CCNQ: variants seen among roughly 807,000 people sequenced by gnomAD.
CCNQ encodes the protein cyclin-Q.
In CCNQ, 3 loss-of-function variants were observed where a neutral mutation model predicts 17.7. The observed-to-expected ratio is 0.17, with a 90% confidence interval of 0.08 to 0.44. The LOEUF is 0.44. Among genes scored for constraint, CCNQ ranks in the 20% least tolerant of loss-of-function variants. The pLI, the probability that CCNQ is intolerant of heterozygous loss-of-function variation, is 0.99. For missense variants in CCNQ, 146 were observed against 222.6 expected (o/e 0.66, Z 2.19); for synonymous variants, 73 against 96.0 (o/e 0.76, Z 1.40).
chrX:153,588,769 C>G (rs1485342191), intron 4 of CCNQ, among the ~76,000 whole-genome samples: 1 of 112,755 alleles, frequency 8.9e-6, no homozygotes, highest in Non-Finnish European at 1.9e-5. Context: ...GCCTCCTGCC[C>G]GGGACTCCCT....
At chrX:153,595,173 A>T (rs2091018933) in intron 2 of CCNQ, among the ~76,000 whole-genome samples, 1 of 113,464 alleles carries the variant, frequency 8.8e-6, no homozygotes, top group Non-Finnish European at 1.9e-5. Flanking sequence ...GCTGGAGTAC[A>T]GTGGTGCAGC....
chrX:153,588,789 G>C (rs1208166562), intron 4 of CCNQ, among the ~76,000 whole-genome samples: 4 of 112,804 alleles, frequency 3.5e-5, no homozygotes, highest in Non-Finnish European at 5.6e-5. Context: ...TCAGGTCCAG[G>C]GTCTCTGCGG....
chrX:153,596,264 T>C, intron 1 of CCNQ, 77 bp from the exon 2 acceptor site: 3 of 1,073,343 alleles, frequency 2.8e-6, no homozygotes, highest in Non-Finnish European at 2.6e-6. Flanking sequence ...GCCATTGGAA[T>C]GGGCCCTAGC....
intron 4 of CCNQ, among the ~76,000 whole-genome samples, chrX:153,591,436 G>A (rs1224858292): frequency 1.8e-5 from 2 of 112,096 alleles, no homozygotes; most frequent in Non-Finnish European, 3.8e-5. Flanking sequence ...ACCTGGGCTC[G>A]CACTCCTCTG....
At chrX:153,590,231 TAAA>T (rs59053078) in intron 4 of CCNQ, among the ~76,000 whole-genome samples, 343 of 26,433 alleles carry the variant, frequency 0.013, 4 homozygotes, top group East Asian at 0.11. Context: ...CTGTCTCTAT[TAAA>T]AAAAAAAAAA....
At chrX:153,596,271 T>G (rs1603162757) in intron 1 of CCNQ, 84 bp from the exon 2 acceptor site, 4 of 1,009,724 alleles carry the variant, frequency 4.0e-6, no homozygotes, top group Non-Finnish European at 5.6e-6. Flanking sequence ...GAATGGGCCC[T>G]AGCAGGTACA....
intron 4 of CCNQ, among the ~76,000 whole-genome samples, chrX:153,589,994 G>A (rs1182377150): frequency 4.5e-5 from 5 of 110,425 alleles, no homozygotes; most frequent in Non-Finnish European, 9.5e-5. Flanking sequence ...TTGGGAGGCC[G>A]AGGCGGGTGG....
rs1557024903 is a variant in CCNQ, at chrX:153,588,171, C to T, written c.*194G>A. The T allele has an allele frequency of 3.8e-6, 2 of 531,176 alleles. No individual in the cohort carries two copies. Among genetic ancestry groups the T allele is most frequent in the Non-Finnish European group, 3.4e-6 (1 of 290,139 alleles). 43.8% of individuals were successfully genotyped at this position (531,176 alleles called of 1,213,427 possible). A position where few individuals can be genotyped will look rare whatever the true frequency, so the allele number is the denominator to read the frequency against. The stretch of plus-strand genomic sequence containing the variant: ...CTGCCCGCTGGAGGCGCGGCTCCCA[C>T]CATCACCTGCACCGCGACTTCTAGG... On this transcript the variant is annotated 3_prime_UTR_variant, in exon 5 of 5. Transcript: ENST00000576892.
chrX:153,591,972 C>T (rs1557025894), intron 4 of CCNQ, among the ~76,000 whole-genome samples: 1 of 110,482 alleles, frequency 9.1e-6, no homozygotes, highest in African/African-American at 3.3e-5. Context: ...CAGCACCAGC[C>T]ACCTGGAAAG....
Position 153,595,906 on chromosome X carries a change from C to G in CCNQ, c.296+98G>C. On this transcript the variant is annotated intron_variant, in intron 2 of 4. Transcript: ENST00000576892. The stretch of plus-strand genomic sequence containing the variant: ...GGCCATCCAGGTACTTCCTTCCAAG[C>G]TCCATTGCTGGCACCTGGTGGGCAG... 3 of 1,013,161 alleles carry G rather than the reference C, an allele frequency of 3.0e-6. No homozygotes were observed. In the South Asian group the frequency reaches 5.7e-5, roughly 19 times the overall value. 83.5% of individuals were successfully genotyped at this position (1,013,161 alleles called of 1,213,427 possible).
At position 153,590,231 on chromosome X, in the gene CCNQ, T is replaced by TAAAAAAAAA. The variant is rs59053078; in HGVS notation, c.658-1786_658-1778dup. Among the ~76,000 whole-genome samples, 35 of 26,423 alleles carry TAAAAAAAAA rather than the reference T, an allele frequency of 1.3e-3. 10 individuals are homozygous for TAAAAAAAAA. Among genetic ancestry groups the TAAAAAAAAA allele is most frequent in the African/African-American group, 1.6e-3 (9 of 5,736 alleles). The allele number at this position is 26,423 out of a possible 115,157, so 22.9% of individuals were successfully genotyped here. A position where few individuals can be genotyped will look rare whatever the true frequency, so the allele number is the denominator to read the frequency against. On this transcript the variant is annotated intron_variant, in intron 4 of 4. Coordinates refer to ENST00000576892, the MANE Select transcript of CCNQ (RefSeq NM_152274.5). ...CAATAGAGTGAGACTCTGTCTCTAT[T>TAAAAAAAAA]AAAAAAAAAAAAAAAAAAAAAAAAA...
intron 2 of CCNQ, 44 bp downstream of exon 2, chrX:153,595,960 C>A: frequency 8.3e-7 from 1 of 1,202,271 alleles, no homozygotes; most frequent in African/African-American, 1.7e-5. Context: ...CCTGCCCGTC[C>A]CCCCCACCGG....
intron 1 of CCNQ, among the ~76,000 whole-genome samples, chrX:153,597,216 ACAGT>A (rs1557027269): frequency 1.8e-5 from 2 of 112,324 alleles, no homozygotes; most frequent in African/African-American, 6.5e-5. Context: ...CCATGAAATG[ACAGT>A]CAGCATCCTC....
At position 153,596,169 on chromosome X, in the gene CCNQ, C is replaced by T. The variant is rs1400512637; in HGVS notation, c.131G>A (p.Arg44Gln). The T allele has an allele frequency of 4.1e-6, 5 of 1,212,022 alleles. No homozygotes were observed. Among genetic ancestry groups the T allele is most frequent in the Non-Finnish European group, 4.5e-6 (4 of 895,538 alleles). ...IMEAGVKLGMRSIPIATACTI... is the reference protein window; with the variant it reads ...IMEAGVKLGMQSIPIATACTI... ...GCAAGCAGTGGCAATGGGAATGGAC[C>T]GCATCCCTAGCTTGACACCTGCGGA... Residue 44 changes from arginine (R) to glutamine (Q), a missense_variant, in exon 2 of 5, where the codon CGG becomes CAG. Coordinates refer to ENST00000576892, the MANE Select transcript of CCNQ (RefSeq NM_152274.5).
intron 4 of CCNQ, among the ~76,000 whole-genome samples, chrX:153,590,807 G>A (rs914699570): frequency 8.9e-6 from 1 of 112,015 alleles, no homozygotes; most frequent in Non-Finnish European, 1.9e-5. Context: ...CTTTTTGAGG[G>A]CAGTCCATCT....
At chrX:153,589,350 C>T (rs1051307193) in intron 4 of CCNQ, among the ~76,000 whole-genome samples, 1 of 113,060 alleles carries the variant, frequency 8.8e-6, no homozygotes, top group Non-Finnish European at 1.9e-5. Flanking sequence ...CCGAAAGAAA[C>T]AGGTGCCGTC....
At chrX:153,590,681 T>C in intron 4 of CCNQ, among the ~76,000 whole-genome samples, 1 of 112,199 alleles carries the variant, frequency 8.9e-6, no homozygotes, top group Non-Finnish European at 1.9e-5. Context: ...GATGTCTATG[T>C]CACCACAATT....
At chrX:153,593,276 T>C (rs782792325) in intron 3 of CCNQ, among the ~76,000 whole-genome samples, 183 of 112,493 alleles carry the variant, frequency 1.6e-3, no homozygotes, top group Non-Finnish European at 2.7e-3. Context: ...CTGCGAGCTC[T>C]CTGGACAGTC....
intron 4 of CCNQ, among the ~76,000 whole-genome samples, chrX:153,591,608 C>G (rs782233572): frequency 2.7e-5 from 3 of 111,466 alleles, no homozygotes; most frequent in Non-Finnish European, 5.7e-5. Context: ...TTGCCCCCCC[C>G]AGAGTCCAAC....
Sources: gnomAD v4.1 joint callset for allele counts (sites outside exome capture counted in the v4.1 genomes callset) on GRCh38, gnomAD v4.1.1 for gene constraint, MANE v1.5 for transcripts, NCBI Gene and HGNC (gene_info 2026-07-23, HGNC 2026-07-21) for gene names.